The following VSTM2L variants were observed in gnomAD, a reference collection of about 807,000 sequenced individuals.
The protein encoded by VSTM2L is V-set and transmembrane domain-containing protein 2-like protein.
VSTM2L carries 9 observed loss-of-function variants against 19.9 expected under a neutral mutation model. That is an observed-to-expected ratio of 0.45 (90% confidence interval 0.27 to 0.79). The LOEUF is 0.79. Ranked by LOEUF, VSTM2L falls within the 30% of genes least tolerant of loss-of-function variation. The pLI, the probability that VSTM2L is intolerant of heterozygous loss-of-function variation, is 0.15. For missense variants in VSTM2L, 286 were observed against 295.5 expected, an observed-to-expected ratio of 0.97 and a Z score of 0.24; for synonymous variants, 127 against 133.8, an observed-to-expected ratio of 0.95 and a Z score of 0.35.
intron 1 of VSTM2L, among the ~76,000 whole-genome samples, chr20:37,924,743 G>A (rs1449132350): frequency 2.6e-5 from 4 of 152,150 alleles, no homozygotes; most frequent in African/African-American, 9.7e-5. Context: ...TGGTGCTGGT[G>A]CAGTATCCTC....
intron 1 of VSTM2L, among the ~76,000 whole-genome samples, chr20:37,905,917 G>A (rs2072749697): frequency 6.6e-6 from 1 of 152,172 alleles, no homozygotes; most frequent in South Asian, 2.1e-4. Context: ...GATAAAAGCT[G>A]TGTGTGCTGA....
chr20:37,921,772 G>T (rs775940484), intron 1 of VSTM2L, among the ~76,000 whole-genome samples: 1 of 151,792 alleles, frequency 6.6e-6, no homozygotes, highest in Non-Finnish European at 1.5e-5. Flanking sequence ...AAGATGCGGG[G>T]AGGGATATTC....
intron 1 of VSTM2L, among the ~76,000 whole-genome samples, chr20:37,915,131 T>A (rs2072810316): frequency 3.3e-5 from 5 of 152,068 alleles, no homozygotes; most frequent in Admixed American, 3.3e-4. Context: ...AAAACAAAGC[T>A]TCACTAATGG....
chr20:37,923,511 T>C (rs2072863478), intron 1 of VSTM2L, among the ~76,000 whole-genome samples: 2 of 152,238 alleles, frequency 1.3e-5, no homozygotes, highest in African/African-American at 4.8e-5. Context: ...CCAGTTTTAA[T>C]TGTCTTCCCA....
chr20:37,933,532 C>A lies in VSTM2L; in HGVS notation c.292-7C>A. Reference sequence around the variant, plus strand: ...CTGCTCTCTCCGCCCCTCCCCGATCCCAACAGCTAAAAGCATCTCAGCAGG... The same window carrying A: ...CTGCTCTCTCCGCCCCTCCCCGATCACAACAGCTAAAAGCATCTCAGCAGG... On this transcript the variant is annotated splice_polypyrimidine_tract_variant and splice_region_variant and intron_variant, in intron 2 of 3. Transcript: ENST00000373461. The A allele has an allele frequency of 6.2e-7, 1 of 1,613,588 alleles. No individual in the cohort carries two copies. The highest frequency in any genetic ancestry group is 2.2e-5 in the East Asian group (1 of 44,870).
At chr20:37,905,403 G>C (rs1447935880) in intron 1 of VSTM2L, among the ~76,000 whole-genome samples, 4 of 152,160 alleles carry the variant, frequency 2.6e-5, no homozygotes, top group African/African-American at 9.7e-5. Flanking sequence ...GAAAAGCAGG[G>C]TCTGTCTGCC....
chr20:37,943,935 C>T (rs2072989783), intron 3 of VSTM2L, 46 bp from the exon 4 acceptor site: 7 of 1,142,296 alleles, frequency 6.1e-6, no homozygotes, highest in Non-Finnish European at 7.8e-6. Flanking sequence ...TTCTTCTCCC[C>T]CACTGTCACT....
At chr20:37,914,356 G>C (rs1283372235) in intron 1 of VSTM2L, among the ~76,000 whole-genome samples, 3 of 149,494 alleles carry the variant, frequency 2.0e-5, no homozygotes, top group East Asian at 2.0e-4. Context: ...CATGTGTGTG[G>C]GGTGTTTATA....
chr20:37,916,895 G>T (rs1600563977), intron 1 of VSTM2L, among the ~76,000 whole-genome samples: 1 of 152,218 alleles, frequency 6.6e-6, no homozygotes, highest in African/African-American at 2.4e-5. Context: ...ATGCAGATTT[G>T]AGGTTGCCAG....
Position 37,945,217 on chromosome 20 carries a change from T to G in VSTM2L, c.*964T>G. 1 of 985,536 alleles carries G rather than the reference T, an allele frequency of 1.0e-6. No homozygotes were observed. The highest frequency in any genetic ancestry group is 1.7e-5 in the African/African-American group (1 of 57,366). The allele number at this position is 985,536 out of a possible 1,614,324, so 61.0% of individuals were successfully genotyped here. A position where few individuals can be genotyped will look rare whatever the true frequency, so the allele number is the denominator to read the frequency against. ...ATTCTCCTCGGAATTGGCTGGCACC[T>G]CTGGCTGCCGCAGCTCAGTGATGAC... On this transcript the variant is annotated 3_prime_UTR_variant, in exon 4 of 4. Coordinates refer to ENST00000373461, the MANE Select transcript of VSTM2L (RefSeq NM_080607.3).
At chr20:37,923,629 T>C (rs1232222920) in intron 1 of VSTM2L, among the ~76,000 whole-genome samples, 1 of 152,164 alleles carries the variant, frequency 6.6e-6, no homozygotes, top group Non-Finnish European at 1.5e-5. Context: ...AGGAGTTACC[T>C]GAGCAGGGAG....
intron 1 of VSTM2L, among the ~76,000 whole-genome samples, chr20:37,912,059 C>G (rs1043089971): frequency 6.6e-6 from 1 of 152,226 alleles, no homozygotes; most frequent in Non-Finnish European, 1.5e-5. Flanking sequence ...TCCCCTGCCT[C>G]CTCCCATTTA....
chr20:37,912,481 C>T (rs757431751), intron 1 of VSTM2L, among the ~76,000 whole-genome samples: 93 of 152,152 alleles, frequency 6.1e-4, no homozygotes, highest in Middle Eastern at 3.4e-3. Flanking sequence ...GTGGATGGAG[C>T]GGTGTTTCTG....
intron 1 of VSTM2L, among the ~76,000 whole-genome samples, chr20:37,915,202 G>T (rs538430787): frequency 6.6e-6 from 1 of 152,138 alleles, no homozygotes; most frequent in Non-Finnish European, 1.5e-5. Context: ...GGGCCCCTGG[G>T]ACAGGGCCCA....
At chr20:37,940,026 G>A (rs2072962842) in intron 3 of VSTM2L, among the ~76,000 whole-genome samples, 1 of 152,174 alleles carries the variant, frequency 6.6e-6, no homozygotes, top group African/African-American at 2.4e-5. Flanking sequence ...ATGGGAGTGG[G>A]TGGGCCGAGG....
chr20:37,906,704 G>A (rs1305913755), intron 1 of VSTM2L, among the ~76,000 whole-genome samples: 1 of 152,232 alleles, frequency 6.6e-6, no homozygotes, highest in Non-Finnish European at 1.5e-5. Flanking sequence ...GCCTCCTCCA[G>A]AACAGCCTTG....
Position 37,909,160 on chromosome 20 carries a change from C to T in VSTM2L, c.121+5689C>T, listed in dbSNP as rs142375305. Among the ~76,000 whole-genome samples the T allele has an allele frequency of 3.4e-3, 517 of 152,278 alleles. 5 individuals are homozygous for T. Among genetic ancestry groups the T allele is most frequent in the African/African-American group, 0.011 (464 of 41,548 alleles). On this transcript the variant is annotated intron_variant, in intron 1 of 3. Transcript: ENST00000373461. ...CTCTGGGGTGGAAGGAGTGCAATGGCCTCCGCATTCCACACCCAGGAGGGC... is the reference window on the plus strand; with the variant it reads ...CTCTGGGGTGGAAGGAGTGCAATGGTCTCCGCATTCCACACCCAGGAGGGC...
At chr20:37,943,734 C>T (rs189311425) in intron 3 of VSTM2L, among the ~76,000 whole-genome samples, 100 of 152,228 alleles carry the variant, frequency 6.6e-4, no homozygotes, top group Admixed American at 2.0e-3. Context: ...CTCCGTCTTT[C>T]GGACCACTCT....
intron 1 of VSTM2L, among the ~76,000 whole-genome samples, chr20:37,912,862 C>G (rs561053276): frequency 6.6e-6 from 1 of 152,218 alleles, no homozygotes; most frequent in African/African-American, 2.4e-5. Context: ...TTCTCTCTCC[C>G]CCTCTCTCTC....
Sources: allele counts gnomAD v4.1 joint callset (sites outside exome capture counted in the v4.1 genomes callset), GRCh38; gene constraint gnomAD v4.1.1; transcripts MANE v1.5; gene names NCBI Gene and HGNC (gene_info 2026-07-23, HGNC 2026-07-21).